The following ASAP1 variants were observed in gnomAD, a reference collection of about 807,000 sequenced individuals.
ASAP1 encodes the protein arf-GAP with SH3 domain, ANK repeat and PH domain-containing protein 1.
Under a neutral mutation model 145.2 loss-of-function variants are expected in ASAP1, and 43 were observed. The observed-to-expected ratio is 0.30, with a 90% CI of 0.23 to 0.38. ASAP1 has a LOEUF of 0.38. Among genes scored for constraint, ASAP1 ranks in the 10% least tolerant of loss-of-function variants. The probability of loss-of-function intolerance (pLI) is 1.00; values close to 1 mark genes in which losing one functional copy is unlikely to be tolerated. For missense variants in ASAP1, 1,018 were observed against 1,355.3 expected (o/e 0.75, Z 3.91); for synonymous variants, 546 against 515.5 (o/e 1.06, Z -0.80).
intron 13 of ASAP1, among the ~76,000 whole-genome samples, chr8:130,145,262 T>C (rs926756462): frequency 6.6e-6 from 1 of 152,218 alleles, no homozygotes; most frequent in African/African-American, 2.4e-5. Context: ...CCTTCAGACT[T>C]GGAATATTTG....
chr8:130,084,524 G>A lies in ASAP1; in HGVS notation c.2573-4553C>T, dbSNP rs576416104. On this transcript the variant is annotated intron_variant, in intron 25 of 29. Transcript: ENST00000518721. ...CCTGGTCACCTACCATAGCTTCGAA[G>A]CTACAGGAGAAGAGTTTGTGGAAAG... 1.3e-4 allele frequency: 20 copies of A among 152,336 alleles called. 1 individual carries two copies. The highest frequency in any genetic ancestry group is 4.8e-4 in the African/African-American group (20 of 41,564). 9.4% of individuals were successfully genotyped at this position (152,336 alleles called of 1,614,324 possible).
At chr8:130,084,436 T>C (rs1592762617) in intron 25 of ASAP1, 1 of 152,286 alleles carries the variant, frequency 6.6e-6, no homozygotes, top group South Asian at 2.1e-4. Context: ...ATCATACAGA[T>C]GTGTGTAAGA....
At chr8:130,281,362 T>C (rs1164711509) in intron 3 of ASAP1, among the ~76,000 whole-genome samples, 1 of 152,232 alleles carries the variant, frequency 6.6e-6, no homozygotes, top group Non-Finnish European at 1.5e-5. Flanking sequence ...ACATCATTTC[T>C]TGATTTTGTC....
intron 7 of ASAP1, among the ~76,000 whole-genome samples, chr8:130,182,504 T>A (rs535083086): frequency 6.6e-6 from 1 of 152,110 alleles, no homozygotes; most frequent in Non-Finnish European, 1.5e-5. Context: ...GACACTGACA[T>A]TTGGAAAACC....
At chr8:130,060,352 C>G (rs1224062434) in intron 28 of ASAP1, among the ~76,000 whole-genome samples, 1 of 152,152 alleles carries the variant, frequency 6.6e-6, no homozygotes, top group Non-Finnish European at 1.5e-5. Context: ...CAAGGTTGTG[C>G]AGTTATGTCA....
Position 130,167,520 on chromosome 8 carries a change from C to T in ASAP1, c.909+16G>A. 1.9e-6 allele frequency: 3 copies of T among 1,605,682 alleles called. No individual in the cohort carries two copies. Among genetic ancestry groups the T allele is most frequent in the Non-Finnish European group, 2.6e-6 (3 of 1,172,474 alleles). On this transcript the variant is annotated intron_variant, in intron 11 of 29. Transcript: ENST00000518721. Reference sequence around the variant, plus strand: ...CCTACACTGTTAGCCCTGTTGTAAACATGTAAACCACTTACTTCTTTCTGA... The same window carrying T: ...CCTACACTGTTAGCCCTGTTGTAAATATGTAAACCACTTACTTCTTTCTGA...
chr8:130,309,913 G>A (rs958697292), intron 3 of ASAP1, among the ~76,000 whole-genome samples: 2 of 152,144 alleles, frequency 1.3e-5, no homozygotes. Flanking sequence ...CTCAGCATGA[G>A]TCTTTAGACA....
At chr8:130,419,091 C>G (rs1386831594) in intron 1 of ASAP1, among the ~76,000 whole-genome samples, 1 of 152,186 alleles carries the variant, frequency 6.6e-6, no homozygotes, top group Non-Finnish European at 1.5e-5. Flanking sequence ...GGCCAGGGTC[C>G]CGCACGCATT....
At chr8:130,208,557 T>TC (rs1480286388) in intron 5 of ASAP1, 2 of 152,288 alleles carry the variant, frequency 1.3e-5, no homozygotes, top group South Asian at 2.1e-4. Flanking sequence ...TTTTTTTTTT[T>TC]CACTTTAAGG....
intron 1 of ASAP1, among the ~76,000 whole-genome samples, chr8:130,438,095 G>A (rs918390585): frequency 1.3e-5 from 2 of 152,196 alleles, no homozygotes; most frequent in African/African-American, 4.8e-5. Flanking sequence ...AACTCAGCTC[G>A]TCGGTGGCCA....
At chr8:130,070,017 T>C (rs560121888) in intron 27 of ASAP1, among the ~76,000 whole-genome samples, 4 of 152,298 alleles carry the variant, frequency 2.6e-5, no homozygotes, top group African/African-American at 9.6e-5. Context: ...TTGAACACAC[T>C]TCATGTGAAT....
intron 2 of ASAP1, among the ~76,000 whole-genome samples, chr8:130,360,132 A>G (rs1231306214): frequency 1.3e-5 from 2 of 152,246 alleles, no homozygotes; most frequent in Non-Finnish European, 2.9e-5. Flanking sequence ...CCCTGCTCTC[A>G]TGAAGCTTAC....
At chr8:130,269,859 T>G (rs1349447745) in intron 3 of ASAP1, among the ~76,000 whole-genome samples, 1 of 152,198 alleles carries the variant, frequency 6.6e-6, no homozygotes, top group East Asian at 1.9e-4. Flanking sequence ...TCACAAAATT[T>G]TGAGGCATTC....
chr8:130,408,381 T>C (rs1586991430), intron 1 of ASAP1, among the ~76,000 whole-genome samples: 1 of 152,212 alleles, frequency 6.6e-6, no homozygotes, highest in East Asian at 1.9e-4. Context: ...GAACAGAAAG[T>C]AGCAGGAAGG....
chr8:130,274,081 T>C (rs944270088), intron 3 of ASAP1, among the ~76,000 whole-genome samples: 1 of 152,176 alleles, frequency 6.6e-6, no homozygotes, highest in African/African-American at 2.4e-5. Context: ...TGCAATAAAT[T>C]CCTTTAGAAT....
chr8:130,151,871 C>A (rs1017083089), intron 13 of ASAP1, among the ~76,000 whole-genome samples: 1 of 152,202 alleles, frequency 6.6e-6, no homozygotes, highest in Non-Finnish European at 1.5e-5. Context: ...CAGACAGACA[C>A]CCGAGTTTGA....
intron 3 of ASAP1, among the ~76,000 whole-genome samples, chr8:130,357,689 G>A (rs1310612091): frequency 6.6e-6 from 1 of 152,244 alleles, no homozygotes; most frequent in African/African-American, 2.4e-5. Context: ...TACCTCGAGG[G>A]TTACAGGAGG....
intron 12 of ASAP1, among the ~76,000 whole-genome samples, chr8:130,158,241 G>A (rs2097661833): frequency 6.6e-6 from 1 of 151,952 alleles, no homozygotes; most frequent in Non-Finnish European, 1.5e-5. Flanking sequence ...CAGGCACAGT[G>A]AGTCATGCCC....
At chr8:130,237,055 G>C (rs1271968290) in intron 3 of ASAP1, 61 bp from the exon 4 acceptor site, 2 of 1,297,870 alleles carry the variant, frequency 1.5e-6, no homozygotes, top group African/African-American at 3.0e-5. Context: ...AAAATAATAA[G>C]AAAAATTCAT....
Sources: gnomAD v4.1 joint callset for allele counts (sites outside exome capture counted in the v4.1 genomes callset) on GRCh38, gnomAD v4.1.1 for gene constraint, MANE v1.5 for transcripts, NCBI Gene and HGNC (gene_info 2026-07-23, HGNC 2026-07-21) for gene names.